Variants in DLG2 observed in about 807,000 individuals in gnomAD.
The protein encoded by DLG2 is discs large MAGUK scaffold protein 2, also known as disks large homolog 2.
Under a neutral mutation model 132.5 loss-of-function variants are expected in DLG2, and 45 were observed. The observed-to-expected ratio is 0.34, with a 90% CI of 0.27 to 0.44. The LOEUF is 0.44. Among genes scored for constraint, DLG2 ranks in the 20% least tolerant of loss-of-function variants. The pLI, the probability that DLG2 is intolerant of heterozygous loss-of-function variation, is 1.00. For missense variants in DLG2, 1,045 were observed against 1,196.9 expected (o/e 0.87, Z 1.87); for synonymous variants, 424 against 419.6 (o/e 1.01, Z -0.13).
At chr11:84,264,790 C>T (rs1313427388) in intron 7 of DLG2, among the ~76,000 whole-genome samples, 1 of 152,114 alleles carries the variant, frequency 6.6e-6, no homozygotes, top group Non-Finnish European at 1.5e-5. Flanking sequence ...CCCACCGTTA[C>T]TGGATAAGAA....
At chr11:85,035,761 A>G (rs1365737006) in intron 6 of DLG2, among the ~76,000 whole-genome samples, 1 of 152,218 alleles carries the variant, frequency 6.6e-6, no homozygotes, top group Non-Finnish European at 1.5e-5. Flanking sequence ...GATCACCATC[A>G]TAGAAACTTT....
intron 7 of DLG2, among the ~76,000 whole-genome samples, chr11:84,434,964 C>G (rs901083565): frequency 7.0e-6 from 1 of 143,186 alleles, no homozygotes; most frequent in South Asian, 2.3e-4. Context: ...ATAGAGGGTA[C>G]TAAAAATCAC....
At chr11:84,831,930 C>A (rs1010179030) in intron 6 of DLG2, among the ~76,000 whole-genome samples, 5 of 151,694 alleles carry the variant, frequency 3.3e-5, no homozygotes, top group African/African-American at 1.2e-4. Flanking sequence ...AGCACAAGCT[C>A]ATTAATTGAA....
chr11:84,252,069 A>C (rs2097386295), intron 7 of DLG2, among the ~76,000 whole-genome samples: 1 of 151,622 alleles, frequency 6.6e-6, no homozygotes, highest in Non-Finnish European at 1.5e-5. Context: ...TATATTCAAT[A>C]CAAAAAGGCT....
intron 8 of DLG2, among the ~76,000 whole-genome samples, chr11:84,246,919 A>G (rs2097309927): frequency 6.6e-6 from 1 of 152,182 alleles, no homozygotes; most frequent in Non-Finnish European, 1.5e-5. Context: ...TGGCAATTAC[A>G]TGAGGTAACA....
At chr11:84,811,996 C>G (rs1794420081) in intron 6 of DLG2, among the ~76,000 whole-genome samples, 1 of 152,070 alleles carries the variant, frequency 6.6e-6, no homozygotes, top group South Asian at 2.1e-4. Context: ...AACATGGCCC[C>G]AGAACTGAGC....
At chr11:85,398,297 A>G (rs1239611172) in intron 3 of DLG2, among the ~76,000 whole-genome samples, 1 of 152,238 alleles carries the variant, frequency 6.6e-6, no homozygotes, top group East Asian at 1.9e-4. Context: ...AGGGAAATTT[A>G]TAGCACTAAA....
intron 21 of DLG2, among the ~76,000 whole-genome samples, chr11:83,488,957 A>ATATC (rs1158935545): frequency 6.6e-6 from 1 of 152,046 alleles, no homozygotes; most frequent in East Asian, 1.9e-4. Context: ...GGCTTGAGAT[A>ATATC]TATCTGCTTA....
chr11:85,493,417 A>T (rs374556370), intron 3 of DLG2, among the ~76,000 whole-genome samples: 2 of 152,086 alleles, frequency 1.3e-5, no homozygotes, highest in African/African-American at 4.8e-5. Context: ...TCACCTTCTA[A>T]AGAGGACTTC....
chr11:85,586,819 G>C (rs1203032707), intron 3 of DLG2, among the ~76,000 whole-genome samples: 1 of 152,054 alleles, frequency 6.6e-6, no homozygotes, highest in African/African-American at 2.4e-5. Context: ...CAGACTTTTT[G>C]ATGTAAGCAT....
At chr11:85,304,942 T>C (rs2079841695) in intron 3 of DLG2, among the ~76,000 whole-genome samples, 3 of 152,202 alleles carry the variant, frequency 2.0e-5, no homozygotes, top group Non-Finnish European at 4.4e-5. Context: ...TATTAGAACA[T>C]ACGCTCCATG....
intron 7 of DLG2, among the ~76,000 whole-genome samples, chr11:84,465,526 G>C (rs1265676297): frequency 1.3e-5 from 2 of 151,066 alleles, no homozygotes; most frequent in African/African-American, 4.8e-5. Context: ...GCTTCATTAT[G>C]GCTTAAATCA....
chr11:85,528,983 A>C (rs1458585536), intron 3 of DLG2, among the ~76,000 whole-genome samples: 1 of 152,244 alleles, frequency 6.6e-6, no homozygotes, highest in East Asian at 1.9e-4. Context: ...CATAACATGA[A>C]ATACTATACA....
chr11:85,585,153 T>C (rs1311793588), intron 3 of DLG2, among the ~76,000 whole-genome samples: 2 of 152,218 alleles, frequency 1.3e-5, no homozygotes, highest in African/African-American at 2.4e-5. Flanking sequence ...TTGAAGTCTT[T>C]GATCCATCTT....
chr11:84,093,999 TTAGG>T (rs1261709141), intron 10 of DLG2, among the ~76,000 whole-genome samples: 1 of 151,982 alleles, frequency 6.6e-6, no homozygotes, highest in Non-Finnish European at 1.5e-5. Context: ...ACTTTAAGTT[TTAGG>T]GTACATGTGC....
At chr11:85,021,599 A>T in intron 6 of DLG2, 1 of 1,458,354 alleles carries the variant, frequency 6.9e-7, no homozygotes, top group Non-Finnish European at 9.6e-7. Flanking sequence ...TTCCCAGTGA[A>T]CACACGGGAG....
At chr11:85,270,960 T>A (rs1278051128) in intron 4 of DLG2, among the ~76,000 whole-genome samples, 1 of 152,184 alleles carries the variant, frequency 6.6e-6, no homozygotes, top group Non-Finnish European at 1.5e-5. Flanking sequence ...CAAAACCCCA[T>A]TTTCTGAGGA....
At chr11:83,926,673 G>A (rs549307003) in intron 15 of DLG2, among the ~76,000 whole-genome samples, 1 of 152,236 alleles carries the variant, frequency 6.6e-6, no homozygotes, top group South Asian at 2.1e-4. Context: ...GACGTAGACT[G>A]TGAAGATAGT....
intron 7 of DLG2, among the ~76,000 whole-genome samples, chr11:84,286,603 T>A (rs970618886): frequency 5.9e-5 from 9 of 152,254 alleles, no homozygotes; most frequent in African/African-American, 9.6e-5. Flanking sequence ...ATGGTACTTT[T>A]AGCATGCTAA....
Sources: gnomAD v4.1 joint callset for allele counts (sites outside exome capture counted in the v4.1 genomes callset) on GRCh38, gnomAD v4.1.1 for gene constraint, MANE v1.5 for transcripts, NCBI Gene and HGNC (gene_info 2026-07-23, HGNC 2026-07-21) for gene names.